Variants in ZNF385C observed in about 807,000 individuals in gnomAD.
ZNF385C encodes CTD-2132N18.2.
Under a neutral mutation model 35.4 loss-of-function variants are expected in ZNF385C, and 28 were observed. The observed-to-expected ratio is 0.79, with a 90% CI of 0.59 to 1.08. ZNF385C has a LOEUF of 1.08. Ranked by LOEUF, ZNF385C falls within the 50% of genes least tolerant of loss-of-function variation. ZNF385C has a pLI of 0.00. For missense variants in ZNF385C, 605 were observed against 595.6 expected, an observed-to-expected ratio of 1.02 and a Z score of -0.16; for synonymous variants, 248 against 248.2, an observed-to-expected ratio of 1.00 and a Z score of 0.01.
At chr17:42,035,118 C>CAAAAAAAAAAAAAAAAAAA (rs1239388932) in intron 3 of ZNF385C, among the ~76,000 whole-genome samples, 1 of 81,490 alleles carries the variant, frequency 1.2e-5, no homozygotes, top group African/African-American at 5.0e-5. Flanking sequence ...GACTCTGTCT[C>CAAAAAAAAAAAAAAAAAAA]AAAAAAAAAA....
chr17:42,035,638 A>G (rs1438060556), intron 3 of ZNF385C, among the ~76,000 whole-genome samples: 1 of 136,104 alleles, frequency 7.3e-6, no homozygotes, highest in African/African-American at 2.8e-5. Flanking sequence ...TGCAACTTCC[A>G]CCTCTCAGGT....
intron 1 of ZNF385C, among the ~76,000 whole-genome samples, chr17:42,077,240 A>G (rs1338480251): frequency 6.6e-6 from 1 of 152,208 alleles, no homozygotes; most frequent in East Asian, 1.9e-4. Context: ...CCCCTCTCTG[A>G]GCTTCAGTTT....
At chr17:42,040,484 CA>C in intron 2 of ZNF385C, 1 of 1,232,358 alleles carries the variant, frequency 8.1e-7, no homozygotes, top group Non-Finnish European at 1.0e-6. Context: ...GCCTGCAGGA[CA>C]AGGGAGAGCT....
rs373768528 is a variant in ZNF385C, at chr17:42,078,061, CA to C, written c.-2-15004del. On this transcript the variant is annotated intron_variant, in intron 1 of 8. Coordinates refer to ENST00000692273, the MANE Select transcript of ZNF385C (RefSeq NM_001392013.1). ...TGGAAACCGGGACAGTTGTCCTTCA[CA>C]GTGACCGGGACATAAATCCCCAAAT... Among the ~76,000 whole-genome samples, 48 of 152,348 alleles carry C rather than the reference CA, an allele frequency of 3.2e-4. 2 individuals carry two copies. The highest frequency in any genetic ancestry group is 1.1e-3 in the African/African-American group (47 of 41,576).
chr17:42,059,661 G>A (rs2053432577), intron 2 of ZNF385C, among the ~76,000 whole-genome samples: 1 of 151,646 alleles, frequency 6.6e-6, no homozygotes, highest in African/African-American at 2.4e-5. Context: ...TCATTCTGTC[G>A]CCCAGGCTGG....
chr17:42,060,848 G>A (rs550104519), intron 2 of ZNF385C, among the ~76,000 whole-genome samples: 17 of 151,502 alleles, frequency 1.1e-4, no homozygotes, highest in African/African-American at 2.9e-4. Context: ...CCCAAGTAGC[G>A]GGGACTACAG....
chr17:42,037,819 T>C lies in ZNF385C; in HGVS notation c.317A>G (p.Gln106Arg). ...ASLPLPTRPLQPPLDFKHLLA... is the reference protein window; with the variant it reads ...ASLPLPTRPLRPPLDFKHLLA... ...CAAGTGCTTGAAGTCCAGCGGGGGCTGCAGAGGCCGGGTGGGCAGGGGCAG... is the reference window on the plus strand; with the variant it reads ...CAAGTGCTTGAAGTCCAGCGGGGGCCGCAGAGGCCGGGTGGGCAGGGGCAG... Residue 106 changes from glutamine to arginine, a missense_variant, in exon 3 of 9, where the codon CAG becomes CGG. Coordinates refer to ENST00000692273, the MANE Select transcript of ZNF385C (RefSeq NM_001392013.1). 1 of 1,521,754 alleles carries C rather than the reference T, an allele frequency of 6.6e-7. No homozygotes were observed. The highest frequency in any genetic ancestry group is 8.8e-7 in the Non-Finnish European group (1 of 1,133,436). The allele number at this position is 1,521,754 out of a possible 1,614,324, so 94.3% of individuals were successfully genotyped here.
Position 42,037,823 on chromosome 17 carries a change from G to A in ZNF385C, c.313C>T (p.Leu105=), listed in dbSNP as rs965536645. ...LASLPLPTRP[L]QPPLDFKHLL... ...TGCTTGAAGTCCAGCGGGGGCTGCA[G>A]AGGCCGGGTGGGCAGGGGCAGGGAG... Residue 105 remains leucine, a synonymous_variant, in exon 3 of 9, where the codon CTG becomes TTG. Coordinates refer to ENST00000692273, the MANE Select transcript of ZNF385C (RefSeq NM_001392013.1). 2 of 1,519,982 alleles carry A rather than the reference G, an allele frequency of 1.3e-6. No homozygotes were observed. Among genetic ancestry groups the A allele is most frequent in the Admixed American group, 4.2e-5 (2 of 47,136 alleles). The allele number at this position is 1,519,982 out of a possible 1,614,324, so 94.2% of individuals were successfully genotyped here. A position where few individuals can be genotyped will look rare whatever the true frequency, so the allele number is the denominator to read the frequency against.
At chr17:42,034,143 C>A in intron 4 of ZNF385C, 82 bp downstream of exon 4, 1 of 1,138,586 alleles carries the variant, frequency 8.8e-7, no homozygotes, top group South Asian at 1.3e-5. Context: ...ATATTCCTCC[C>A]AGAAGGACTC....
At chr17:42,043,283 T>C (rs1185374265) in intron 2 of ZNF385C, 3 of 1,232,140 alleles carry the variant, frequency 2.4e-6, no homozygotes, top group African/African-American at 1.6e-5. Context: ...TCCAGCCAGG[T>C]AAACTCCTCT....
chr17:42,032,256 T>C (rs1227952750), intron 4 of ZNF385C, among the ~76,000 whole-genome samples: 6 of 152,076 alleles, frequency 3.9e-5, no homozygotes, highest in Admixed American at 3.9e-4. Flanking sequence ...GAGACGGGGT[T>C]TCACCATATT....
chr17:42,026,740 G>A lies in ZNF385C; in HGVS notation c.*157C>T. 1 of 752,028 alleles carries A rather than the reference G, an allele frequency of 1.3e-6. No homozygotes were observed. The highest frequency in any genetic ancestry group is 2.2e-5 in the Admixed American group (1 of 46,002). The allele number at this position is 752,028 out of a possible 1,614,324, so 46.6% of individuals were successfully genotyped here. ...AGGAGGGTGGGGACAGTCCTTGGAA[G>A]GCAGCTGCCCTTAAAACTAGCCCAG... On this transcript the variant is annotated 3_prime_UTR_variant, in exon 9 of 9. Transcript: ENST00000692273.
intron 2 of ZNF385C, among the ~76,000 whole-genome samples, chr17:42,058,339 C>G (rs529437281): frequency 6.6e-6 from 1 of 152,354 alleles, no homozygotes; most frequent in South Asian, 2.1e-4. Context: ...AAAAGTGCCC[C>G]TCCTGGCTGC....
At chr17:42,077,882 T>C (rs928134667) in intron 1 of ZNF385C, among the ~76,000 whole-genome samples, 1 of 151,712 alleles carries the variant, frequency 6.6e-6, no homozygotes, top group Non-Finnish European at 1.5e-5. Flanking sequence ...TCCCCCCACA[T>C]TTTGCCTCCT....
At chr17:42,039,630 G>A in intron 2 of ZNF385C, 2 of 1,192,802 alleles carry the variant, frequency 1.7e-6, no homozygotes, top group Middle Eastern at 3.2e-4. Context: ...CTTGGGTGCA[G>A]CATGGTCAAG....
intron 5 of ZNF385C, among the ~76,000 whole-genome samples, chr17:42,030,764 T>G (rs2052708166): frequency 6.6e-6 from 1 of 152,088 alleles, no homozygotes. Flanking sequence ...GTGGGATTGA[T>G]CTAGTGACTG....
At chr17:42,052,527 G>A (rs1388709389) in intron 2 of ZNF385C, among the ~76,000 whole-genome samples, 1 of 152,134 alleles carries the variant, frequency 6.6e-6, no homozygotes, top group Admixed American at 6.5e-5. Context: ...AGATACCCAT[G>A]CTGGCTGGGA....
chr17:42,027,814 A>C, intron 7 of ZNF385C, 86 bp from the exon 8 acceptor site: 2 of 1,397,478 alleles, frequency 1.4e-6, no homozygotes, highest in Non-Finnish European at 2.0e-6. Context: ...CCCTTCCTCT[A>C]TCCACAGCTC....
chr17:42,040,475 C>T (rs535884069), intron 2 of ZNF385C: 13 of 1,232,124 alleles, frequency 1.1e-5, no homozygotes, highest in Non-Finnish European at 1.2e-5. Flanking sequence ...GGCTCTTCTG[C>T]CTGCAGGACA....
Sources: gnomAD v4.1 joint callset for allele counts (sites outside exome capture counted in the v4.1 genomes callset) on GRCh38, gnomAD v4.1.1 for gene constraint, MANE v1.5 for transcripts, NCBI Gene and HGNC (gene_info 2026-07-23, HGNC 2026-07-21) for gene names.